Variants in KIRREL3 observed in about 807,000 individuals in gnomAD.
KIRREL3 encodes kin of IRRE-like protein 3.
Under a neutral mutation model 89.7 loss-of-function variants are expected in KIRREL3, and 36 were observed. The observed-to-expected ratio is 0.40, with a 90% CI of 0.31 to 0.53. The LOEUF (loss-of-function observed/expected upper bound fraction) is 0.53. KIRREL3 is among the 20% of genes least tolerant of loss of function. KIRREL3 has a pLI of 0.49. For synonymous variants in KIRREL3, 445 were observed against 441.4 expected (o/e 1.01, Z -0.10); for missense variants, 864 against 1,056.6 (o/e 0.82, Z 2.53).
chr11:126,757,071 A>T (rs1949527488), intron 1 of KIRREL3, among the ~76,000 whole-genome samples: 1 of 152,192 alleles, frequency 6.6e-6, no homozygotes, highest in Non-Finnish European at 1.5e-5. Context: ...TGCATTTCTG[A>T]GCATTGGCAA....
At chr11:126,458,965 G>A (rs1026016178) in intron 6 of KIRREL3, among the ~76,000 whole-genome samples, 11 of 152,144 alleles carry the variant, frequency 7.2e-5, no homozygotes, top group African/African-American at 2.4e-4. Context: ...GCTGATCTGG[G>A]CGTCCGTGGG....
intron 2 of KIRREL3, among the ~76,000 whole-genome samples, chr11:126,559,845 A>ATT (rs199652038): frequency 3.7e-4 from 56 of 150,148 alleles, no homozygotes; most frequent in Non-Finnish European, 6.8e-4. Flanking sequence ...GATTATTATT[A>ATT]TTTTTTTTTG....
rs1447669581 is a variant in KIRREL3, at chr11:126,761,681, G to GT, written c.56-198770dup. ...CTTGTAGAAATGTGATTATGGTGTAGTTTGTGTATATCACCAGATCTTATG... is the reference window on the plus strand; with the variant it reads ...CTTGTAGAAATGTGATTATGGTGTAGTTTTGTGTATATCACCAGATCTTATG... On this transcript the variant is annotated intron_variant, in intron 1 of 16. Transcript: ENST00000525144. This position sits in a 1 kb window ranked among gnomAD's most constrained non-coding sequence, Gnocchi z 4.4. Among the ~76,000 whole-genome samples, 2 of 152,126 alleles carry GT rather than the reference G, an allele frequency of 1.3e-5. No homozygotes were observed. The highest frequency in any genetic ancestry group is 2.9e-5 in the Non-Finnish European group (2 of 68,016).
rs1243075124 is a variant in KIRREL3 at position 126,843,430 on chromosome 11, T to C, written c.55+157025A>G. Reference sequence around the variant, plus strand: ...GGGTGAGCTCACTCACTCTGCCGTATATCCTACTGGGGAGAAACTCCATTC... The same window carrying C: ...GGGTGAGCTCACTCACTCTGCCGTACATCCTACTGGGGAGAAACTCCATTC... On this transcript the variant is annotated intron_variant, in intron 1 of 16. Coordinates refer to ENST00000525144, the MANE Select transcript of KIRREL3 (RefSeq NM_032531.4). The surrounding 1 kb of genome is among the most constrained non-coding windows in gnomAD (Gnocchi z 4.6). 6.6e-6 allele frequency among the ~76,000 whole-genome samples: 1 copy of C among 152,122 alleles called. No individual in the cohort carries two copies. Among genetic ancestry groups the C allele is most frequent in the African/African-American group, 2.4e-5 (1 of 41,416 alleles).
intron 1 of KIRREL3, among the ~76,000 whole-genome samples, chr11:126,721,618 C>G (rs949384840): frequency 1.3e-5 from 2 of 152,136 alleles, no homozygotes; most frequent in Non-Finnish European, 2.9e-5. Context: ...GAGTAGGTGC[C>G]TCTCTGGCAA....
chr11:126,925,749 T>C (rs1947687584), intron 1 of KIRREL3, among the ~76,000 whole-genome samples: 2 of 152,306 alleles, frequency 1.3e-5, no homozygotes, highest in South Asian at 2.1e-4. Context: ...CCTGCACTTC[T>C]CTCTGGCCAC....
At chr11:126,465,917 C>G (rs12798200) in intron 5 of KIRREL3, among the ~76,000 whole-genome samples, 52,087 of 152,132 alleles carry the variant, frequency 0.34, 9,899 homozygotes, top group East Asian at 0.53. Context: ...ACTAAGACTT[C>G]GGGTAGGGCG....
chr11:126,527,062 A>T lies in KIRREL3; in HGVS notation c.134-375T>A, dbSNP rs1180712191. Among the ~76,000 whole-genome samples the T allele has an allele frequency of 6.6e-6, 1 of 151,940 alleles. No individual in the cohort carries two copies. The highest frequency in any genetic ancestry group is 1.5e-5 in the Non-Finnish European group (1 of 67,960). On this transcript the variant is annotated intron_variant, in intron 2 of 16. Transcript: ENST00000525144. The surrounding 1 kb of genome is among the most constrained non-coding windows in gnomAD (Gnocchi z 4.2). ...AGTCCCACACCAGGGCAGAAACAGGAGAGAGAGAGAGAGACCTCTAGCTAG... is the reference window on the plus strand; with the variant it reads ...AGTCCCACACCAGGGCAGAAACAGGTGAGAGAGAGAGAGACCTCTAGCTAG...
rs1948632558 is a variant in KIRREL3 at position 126,797,201 on chromosome 11, G to A, written c.55+203254C>T. On this transcript the variant is annotated intron_variant, in intron 1 of 16. Coordinates refer to ENST00000525144, the MANE Select transcript of KIRREL3 (RefSeq NM_032531.4). The surrounding 1 kb of genome is among the most constrained non-coding windows in gnomAD (Gnocchi z 4.9). ...TACTGTGCAGGGAATATGAGCCTAG[G>A]CTCTGAATATGGGACCAATTTGAAT... Among the ~76,000 whole-genome samples the A allele has an allele frequency of 1.3e-5, 2 of 152,134 alleles. No individual in the cohort carries two copies. The highest frequency in any genetic ancestry group is 2.9e-5 in the Non-Finnish European group (2 of 68,012).
At chr11:126,577,567 C>T (rs991751015) in intron 1 of KIRREL3, among the ~76,000 whole-genome samples, 34 of 127,142 alleles carry the variant, frequency 2.7e-4, no homozygotes, top group African/African-American at 5.0e-4. Context: ...GCCAATGTGG[C>T]GAAACCCTGT....
intron 10 of KIRREL3, among the ~76,000 whole-genome samples, chr11:126,442,344 ACAC>A (rs1955610462): frequency 7.0e-6 from 1 of 142,072 alleles, no homozygotes; most frequent in South Asian, 2.3e-4. Context: ...ACACACACAC[ACAC>A]ACACACAAAA....
rs962450375 is a variant in KIRREL3 at position 126,769,928 on chromosome 11, C to A, written c.56-207016G>T. 6.6e-6 allele frequency among the ~76,000 whole-genome samples: 1 copy of A among 152,096 alleles called. No homozygotes were observed. ...GGGGTTGGCTTGGCGGAGTGTTGGG[C>A]ACATAGCTAGAGCTCTGTGGATATT... On this transcript the variant is annotated intron_variant, in intron 1 of 16. Transcript: ENST00000525144. This position sits in a 1 kb window ranked among gnomAD's most constrained non-coding sequence, Gnocchi z 4.3.
intron 1 of KIRREL3, among the ~76,000 whole-genome samples, chr11:126,775,783 T>C (rs907552129): frequency 3.3e-5 from 5 of 152,250 alleles, no homozygotes; most frequent in African/African-American, 1.2e-4. Flanking sequence ...GTGCATTTTA[T>C]AGACGAGGGA....
At chr11:126,695,721 CAAG>C (rs1947067547) in intron 1 of KIRREL3, among the ~76,000 whole-genome samples, 3 of 152,156 alleles carry the variant, frequency 2.0e-5, no homozygotes, top group Admixed American at 2.0e-4. Flanking sequence ...TGCTGCATTG[CAAG>C]AAGGAGCTGG....
chr11:126,777,725 G>T (rs1950209853), intron 1 of KIRREL3, among the ~76,000 whole-genome samples: 1 of 152,198 alleles, frequency 6.6e-6, no homozygotes, highest in Non-Finnish European at 1.5e-5. Context: ...TTTACCATCT[G>T]CATCTTTGAA....
intron 1 of KIRREL3, among the ~76,000 whole-genome samples, chr11:126,727,635 T>C (rs1836699860): frequency 6.6e-6 from 1 of 152,186 alleles, no homozygotes; most frequent in South Asian, 2.1e-4. Context: ...CTGGGTGAGC[T>C]GCATTTTTGT....
chr11:126,959,198 A>C (rs1008382845), intron 1 of KIRREL3, among the ~76,000 whole-genome samples: 15 of 152,210 alleles, frequency 9.9e-5, no homozygotes, highest in African/African-American at 3.4e-4. Context: ...CTAGCTTTCC[A>C]ACTGCAGATC....
chr11:126,905,529 G>T lies in KIRREL3; in HGVS notation c.55+94926C>A, dbSNP rs1946545940. Among the ~76,000 whole-genome samples, 1 of 152,044 alleles carries T rather than the reference G, an allele frequency of 6.6e-6. No homozygotes were observed. Among genetic ancestry groups the T allele is most frequent in the South Asian group, 2.1e-4 (1 of 4,814 alleles). On this transcript the variant is annotated intron_variant, in intron 1 of 16. Coordinates refer to ENST00000525144, the MANE Select transcript of KIRREL3 (RefSeq NM_032531.4). This position sits in a 1 kb window ranked among gnomAD's most constrained non-coding sequence, Gnocchi z 5.0. Reference sequence around the variant, plus strand: ...GGCATTTACTGTTCATCGCTCAGGGGTCAGAGGGTGGGGAGAGGGATCTTT... The same window carrying T: ...GGCATTTACTGTTCATCGCTCAGGGTTCAGAGGGTGGGGAGAGGGATCTTT...
Position 126,608,056 on chromosome 11 carries a change from G to T in KIRREL3, c.56-45144C>A, listed in dbSNP as rs1374999351. On this transcript the variant is annotated intron_variant, in intron 1 of 16. Coordinates refer to ENST00000525144, the MANE Select transcript of KIRREL3 (RefSeq NM_032531.4). This position sits in a 1 kb window ranked among gnomAD's most constrained non-coding sequence, Gnocchi z 4.9. The stretch of plus-strand genomic sequence containing the variant: ...CTGTCTCTTACCAACCCAGGAGGGA[G>T]GGTTGGTGGCTGCTGCTCCATCCTC... 6.6e-6 allele frequency among the ~76,000 whole-genome samples: 1 copy of T among 152,208 alleles called. No individual in the cohort carries two copies. Among genetic ancestry groups the T allele is most frequent in the Non-Finnish European group, 1.5e-5 (1 of 68,040 alleles).
Sources: allele counts gnomAD v4.1 joint callset (sites outside exome capture counted in the v4.1 genomes callset), GRCh38; gene constraint gnomAD v4.1.1; non-coding constraint Gnocchi (gnomAD v3.1); transcripts MANE v1.5; gene names NCBI Gene and HGNC (gene_info 2026-07-23, HGNC 2026-07-21).